WDR89: variants seen among roughly 807,000 people sequenced by gnomAD.
WDR89 encodes WD repeat-containing protein 89.
Under a neutral mutation model 29.1 loss-of-function variants are expected in WDR89, and 17 were observed. That is an observed-to-expected ratio of 0.58 (90% CI 0.40 to 0.88). The LOEUF is 0.88. Among genes scored for constraint, WDR89 ranks in the 40% least tolerant of loss-of-function variants. The pLI is 0.00. For missense variants in WDR89, 396 were observed against 456.3 expected, an observed-to-expected ratio of 0.87 and a Z score of 1.20; for synonymous variants, 138 against 157.8, an observed-to-expected ratio of 0.87 and a Z score of 0.94.
intron 1 of WDR89, among the ~76,000 whole-genome samples, chr14:63,628,378 A>C (rs959753652): frequency 1.3e-5 from 2 of 152,250 alleles, no homozygotes; most frequent in Non-Finnish European, 2.9e-5. Flanking sequence ...GTTGACTGTT[A>C]TTCTTAGGCT....
At chr14:63,623,097 C>T (rs1882802138) in intron 2 of WDR89, among the ~76,000 whole-genome samples, 2 of 149,966 alleles carry the variant, frequency 1.3e-5, no homozygotes, top group South Asian at 4.2e-4. Flanking sequence ...TACTCAGGAG[C>T]TTAGGTGGGA....
At chr14:63,618,623 T>C (rs1051809680) in intron 2 of WDR89, among the ~76,000 whole-genome samples, 1 of 151,932 alleles carries the variant, frequency 6.6e-6, no homozygotes, top group African/African-American at 2.4e-5. Flanking sequence ...ATCAGAGGAT[T>C]GATCAATCAA....
At position 63,627,150 on chromosome 14, in the gene WDR89, ACTCTCTCT is replaced by A. The variant is rs35230660; in HGVS notation, c.-137-2125_-137-2118del. On this transcript the variant is annotated intron_variant, in intron 1 of 2. Transcript: ENST00000620954. ...CACACACACACACACACACACACACACTCTCTCTCTCTCTCTCTCTCTCTCTCTCTCTC... is the reference window on the plus strand; with the variant it reads ...CACACACACACACACACACACACACACTCTCTCTCTCTCTCTCTCTCTCTC... 5.9e-3 allele frequency among the ~76,000 whole-genome samples: 750 copies of A among 127,258 alleles called. 5 individuals carry two copies. Among genetic ancestry groups the A allele is most frequent in the South Asian group, 8.9e-3 (34 of 3,806 alleles). 83.5% of individuals were successfully genotyped at this position (127,258 alleles called of 152,430 possible). A position where few individuals can be genotyped will look rare whatever the true frequency, so the allele number is the denominator to read the frequency against.
In WDR89 at chr14:63,599,733, A is replaced by C. The variant is rs779248521; in HGVS notation, c.210T>G (p.Pro70=). The part of the protein sequence containing the change: ...LNVLREFSGY[P]GLLNGVRFAN... ...CAAATCTGACTCCATTAAGAAGTCC[A>C]GGATATCCACTAAATTCTCGTAGTA... The change falls in exon 3 of 3, where the codon CCT becomes CCG. Residue 70 remains proline, a synonymous_variant. Coordinates refer to ENST00000620954, the MANE Select transcript of WDR89 (RefSeq NM_080666.4). The C allele has an allele frequency of 7.7e-5, 124 of 1,610,408 alleles. No individual in the cohort carries two copies. Among genetic ancestry groups the C allele is most frequent in the Non-Finnish European group, 1.0e-4 (122 of 1,178,808 alleles).
At chr14:63,601,009 G>A (rs2139485847) in intron 2 of WDR89, among the ~76,000 whole-genome samples, 1 of 152,196 alleles carries the variant, frequency 6.6e-6, no homozygotes, top group South Asian at 2.1e-4. Context: ...AAGACACAGA[G>A]AGATACAATG....
At chr14:63,641,589 T>G (rs1037766322) in intron 1 of WDR89, among the ~76,000 whole-genome samples, 2 of 152,252 alleles carry the variant, frequency 1.3e-5, no homozygotes, top group African/African-American at 4.8e-5. Flanking sequence ...CAGAAGTTTC[T>G]TTGGCCAGGG....
intron 1 of WDR89, among the ~76,000 whole-genome samples, chr14:63,628,771 G>A (rs753842605): frequency 5.3e-5 from 8 of 152,094 alleles, no homozygotes; most frequent in Non-Finnish European, 1.0e-4. Context: ...GACCAGCCTG[G>A]GCAACATGGT....
intron 2 of WDR89, chr14:63,601,379 A>G: frequency 1.6e-6 from 1 of 618,620 alleles, no homozygotes; most frequent in Non-Finnish European, 2.9e-6. Flanking sequence ...CTAAACCACC[A>G]TACTAGATTG....
At chr14:63,626,819 C>T (rs1230409435) in intron 1 of WDR89, among the ~76,000 whole-genome samples, 1 of 148,916 alleles carries the variant, frequency 6.7e-6, no homozygotes, top group East Asian at 2.0e-4. Flanking sequence ...AGGAAATGGG[C>T]ATCTGTAAAC....
At chr14:63,637,965 CA>C (rs1883848105) in intron 1 of WDR89, among the ~76,000 whole-genome samples, 1 of 149,942 alleles carries the variant, frequency 6.7e-6, no homozygotes, top group South Asian at 2.1e-4. Flanking sequence ...TTTTTTTTTT[CA>C]AAACAGCCTC....
chr14:63,634,758 A>C (rs1883621092), intron 1 of WDR89, among the ~76,000 whole-genome samples: 1 of 151,848 alleles, frequency 6.6e-6, no homozygotes, highest in South Asian at 2.1e-4. Flanking sequence ...AATCCCAGCT[A>C]CTTGGGAAGG....
intron 2 of WDR89, among the ~76,000 whole-genome samples, chr14:63,604,592 TCACTC>T (rs1324453527): frequency 6.6e-6 from 1 of 152,216 alleles, no homozygotes; most frequent in African/African-American, 2.4e-5. Flanking sequence ...AAGTAAAACT[TCACTC>T]CAATAATTAA....
At chr14:63,638,035 T>C (rs1020445036) in intron 1 of WDR89, among the ~76,000 whole-genome samples, 1 of 151,880 alleles carries the variant, frequency 6.6e-6, no homozygotes, top group Admixed American at 6.6e-5. Flanking sequence ...AACCTCCGCC[T>C]CCCAGGTTCA....
rs1882321131 is a variant in WDR89 at position 63,616,613 on chromosome 14, C to G, written c.-32+8315G>C. Reference sequence around the variant, plus strand: ...TTACATGGAGCAAGAGCTGCCTAGGCAGAGAGAAACAACAAGTAGGCCAGT... The same window carrying G: ...TTACATGGAGCAAGAGCTGCCTAGGGAGAGAGAAACAACAAGTAGGCCAGT... On this transcript the variant is annotated intron_variant, in intron 2 of 2. Transcript: ENST00000620954. Among the ~76,000 whole-genome samples the G allele has an allele frequency of 2.0e-5, 3 of 152,036 alleles. No homozygotes were observed. The South Asian group carries it at 6.2e-4, about 32-fold the overall frequency.
At chr14:63,611,710 A>G (rs1595023313) in intron 2 of WDR89, among the ~76,000 whole-genome samples, 1 of 151,758 alleles carries the variant, frequency 6.6e-6, no homozygotes, top group African/African-American at 2.4e-5. Context: ...CCCAAAAAAA[A>G]ATTTTTTTTA....
chr14:63,638,137 G>A (rs949103902), intron 1 of WDR89, among the ~76,000 whole-genome samples: 1 of 151,986 alleles, frequency 6.6e-6, no homozygotes. Flanking sequence ...TAGAGACAGG[G>A]TTTTGCCATG....
chr14:63,600,373 G>A (rs1183505114), intron 2 of WDR89, among the ~76,000 whole-genome samples: 1 of 152,106 alleles, frequency 6.6e-6, no homozygotes, highest in Admixed American at 6.6e-5. Context: ...GCCTATGCCT[G>A]TAGTCCTAGC....
chr14:63,631,868 T>C (rs955597171), intron 1 of WDR89, among the ~76,000 whole-genome samples: 2 of 152,100 alleles, frequency 1.3e-5, no homozygotes, highest in South Asian at 2.1e-4. Context: ...TCCCAGCACT[T>C]TGGGAGGCCT....
intron 2 of WDR89, among the ~76,000 whole-genome samples, chr14:63,604,378 A>T (rs61984031): frequency 0.02 from 3,072 of 152,204 alleles, 47 homozygotes; most frequent in South Asian, 0.03. Flanking sequence ...ATGCCACTGC[A>T]CTCCAGCCAG....
Sources: gnomAD v4.1 joint callset for allele counts (sites outside exome capture counted in the v4.1 genomes callset) on GRCh38, gnomAD v4.1.1 for gene constraint, MANE v1.5 for transcripts, NCBI Gene and HGNC (gene_info 2026-07-23, HGNC 2026-07-21) for gene names.